Variants in HECW1 observed in about 807,000 individuals in gnomAD.
HECW1 encodes the protein E3 ubiquitin-protein ligase HECW1.
In HECW1, 61 loss-of-function variants were observed where a neutral mutation model predicts 182.3. The observed-to-expected ratio is 0.33, with a 90% CI of 0.27 to 0.41. HECW1 has a LOEUF of 0.41. Ranked by LOEUF, HECW1 falls within the 10% of genes least tolerant of loss-of-function variation. The probability of loss-of-function intolerance (pLI) is 1.00; values close to 1 mark genes in which losing one functional copy is unlikely to be tolerated. For missense variants in HECW1, 1,739 were observed against 2,108.9 expected (o/e 0.82, Z 3.44); for synonymous variants, 859 against 832.6 (o/e 1.03, Z -0.55).
intron 2 of HECW1, among the ~76,000 whole-genome samples, chr7:43,165,737 A>G (rs1181122696): frequency 6.6e-6 from 1 of 152,144 alleles, no homozygotes; most frequent in Non-Finnish European, 1.5e-5. Flanking sequence ...AGTTGTGAAA[A>G]TATGCTATAA....
chr7:43,485,589 C>T (rs780891712), intron 17 of HECW1, among the ~76,000 whole-genome samples: 15 of 152,144 alleles, frequency 9.9e-5, no homozygotes, highest in Non-Finnish European at 1.6e-4. Flanking sequence ...GGCTGCAAAC[C>T]TGTACAGCAT....
chr7:43,443,496 G>A lies in HECW1; in HGVS notation c.1046-722G>A, dbSNP rs77306917. ...AGGACAGCTTTACAGCTCACCAGAG[G>A]GACTGATTTTCTTTAGTGACTTGCA... On this transcript the variant is annotated intron_variant, in intron 10 of 29. Transcript: ENST00000395891. Among the ~76,000 whole-genome samples, 8 of 152,326 alleles carry A rather than the reference G, an allele frequency of 5.3e-5. No individual in the cohort carries two copies. The East Asian group carries it at 1.5e-3, about 29-fold the overall frequency.
intron 17 of HECW1, among the ~76,000 whole-genome samples, chr7:43,481,520 C>A (rs989760430): frequency 7.9e-5 from 12 of 152,166 alleles, no homozygotes; most frequent in African/African-American, 2.9e-4. Context: ...ATATTTAAAA[C>A]CTTTCTAACT....
intron 29 of HECW1, among the ~76,000 whole-genome samples, chr7:43,559,287 G>A (rs535128298): frequency 3.3e-5 from 5 of 152,194 alleles, no homozygotes; most frequent in Admixed American, 6.5e-5. Context: ...CATGGAATTC[G>A]ACACAACTTA....
intron 19 of HECW1, among the ~76,000 whole-genome samples, chr7:43,494,393 C>T (rs1325981221): frequency 3.3e-5 from 5 of 152,072 alleles, no homozygotes; most frequent in South Asian, 2.1e-4. Flanking sequence ...TAAAATATTC[C>T]CTATCACCCT....
chr7:43,261,752 A>G (rs1801200052), intron 3 of HECW1, among the ~76,000 whole-genome samples: 2 of 152,218 alleles, frequency 1.3e-5, no homozygotes, highest in South Asian at 2.1e-4. Context: ...AATTTTGGCC[A>G]TATCAATCAT....
intron 12 of HECW1, among the ~76,000 whole-genome samples, chr7:43,451,970 T>C (rs1338125412): frequency 1.3e-5 from 2 of 152,222 alleles, no homozygotes; most frequent in African/African-American, 2.4e-5. Context: ...TAATGTGCTG[T>C]ACTTTACAGG....
chr7:43,500,367 G>C (rs1338120098), intron 19 of HECW1, among the ~76,000 whole-genome samples: 1 of 152,014 alleles, frequency 6.6e-6, no homozygotes, highest in Non-Finnish European at 1.5e-5. Context: ...CAAAGTGCTG[G>C]GATTACAAGT....
At chr7:43,258,926 GT>G (rs201738695) in intron 3 of HECW1, among the ~76,000 whole-genome samples, 2 of 151,626 alleles carry the variant, frequency 1.3e-5, no homozygotes, top group African/African-American at 2.4e-5. Context: ...ACCCCAGTTT[GT>G]TTTTTTTGTT....
At chr7:43,302,225 C>T (rs1480422820) in intron 3 of HECW1, among the ~76,000 whole-genome samples, 1 of 152,144 alleles carries the variant, frequency 6.6e-6, no homozygotes, top group Non-Finnish European at 1.5e-5. Context: ...CTCAACAAGC[C>T]TGAGGCTCCC....
intron 2 of HECW1, among the ~76,000 whole-genome samples, chr7:43,237,598 G>A (rs916637927): frequency 2.6e-5 from 4 of 152,190 alleles, no homozygotes; most frequent in Non-Finnish European, 5.9e-5. Context: ...CTAGATTATT[G>A]TGAGGATCAA....
intron 5 of HECW1, among the ~76,000 whole-genome samples, chr7:43,336,126 C>CTTTCTT (rs1342475738): frequency 8.8e-5 from 7 of 79,794 alleles, no homozygotes; most frequent in African/African-American, 2.5e-4. Flanking sequence ...TTCTTTCTTT[C>CTTTCTT]TCTCTCTCTC....
intron 3 of HECW1, among the ~76,000 whole-genome samples, chr7:43,253,986 A>G (rs1800304664): frequency 6.6e-6 from 1 of 152,190 alleles, no homozygotes; most frequent in Non-Finnish European, 1.5e-5. Context: ...GGCTTAGAGA[A>G]GTGAGGGGCT....
intron 6 of HECW1, among the ~76,000 whole-genome samples, chr7:43,364,812 T>C (rs1415378247): frequency 6.6e-6 from 1 of 152,264 alleles, no homozygotes; most frequent in Non-Finnish European, 1.5e-5. Context: ...ATGTCTTTCT[T>C]TTATTTTCTG....
intron 6 of HECW1, among the ~76,000 whole-genome samples, chr7:43,394,367 AATT>A: frequency 6.6e-6 from 1 of 152,294 alleles, no homozygotes; most frequent in South Asian, 2.1e-4. Context: ...GAAGAAGGCT[AATT>A]GTTGTCAAAA....
Position 43,438,091 on chromosome 7 carries a change from T to C in HECW1, c.890T>C (p.Phe297Ser). The C allele has an allele frequency of 6.2e-7, 1 of 1,614,090 alleles. No individual in the cohort carries two copies. Among genetic ancestry groups the C allele is most frequent in the Non-Finnish European group, 8.5e-7 (1 of 1,180,000 alleles). Residue 297 changes from phenylalanine (F) to serine (S), a missense_variant, in exon 9 of 30, where the codon TTC becomes TCC. Around this residue, in one of 5 missense-constraint regions of HECW1, gnomAD observed 66 missense variants for 113.8 expected, o/e 0.58. Transcript: ENST00000395891. ...FAKSRPIIKRFLGKLSMPVQR... is the reference protein window; with the variant it reads ...FAKSRPIIKRSLGKLSMPVQR... ...AAGAGCCGCCCCATCATCAAGCGCT[T>C]CTTGGGAAAGCTGTCGATGCCCGTT...
At chr7:43,266,717 C>A (rs957759684) in intron 3 of HECW1, among the ~76,000 whole-genome samples, 3 of 152,186 alleles carry the variant, frequency 2.0e-5, no homozygotes, top group Non-Finnish European at 4.4e-5. Flanking sequence ...TTATACCGCA[C>A]ACCTCCTTCA....
intron 5 of HECW1, among the ~76,000 whole-genome samples, chr7:43,340,275 C>T (rs976819551): frequency 7.5e-6 from 1 of 133,848 alleles, no homozygotes. Flanking sequence ...GGCTAGAGTA[C>T]AGCAGAGCAG....
intron 3 of HECW1, among the ~76,000 whole-genome samples, chr7:43,283,842 C>G (rs2152749623): frequency 6.6e-6 from 1 of 152,276 alleles, no homozygotes; most frequent in Middle Eastern, 3.4e-3. Flanking sequence ...TCCATGTTTT[C>G]TGAGAGAAAC....
Sources: allele counts gnomAD v4.1 joint callset (sites outside exome capture counted in the v4.1 genomes callset), GRCh38; gene constraint gnomAD v4.1.1; regional missense constraint gnomAD v4.1.1; transcripts MANE v1.5; gene names NCBI Gene and HGNC (gene_info 2026-07-23, HGNC 2026-07-21).